SEMA3E: variants seen among roughly 807,000 people sequenced by gnomAD.
The protein encoded by SEMA3E is semaphorin 3E, also known as semaphorin-3E.
In SEMA3E, 49 loss-of-function variants were observed where a neutral mutation model predicts 93.6. That is an observed-to-expected ratio of 0.52 (90% CI 0.42 to 0.66). The LOEUF is 0.66. Ranked by LOEUF, SEMA3E falls within the 30% of genes least tolerant of loss-of-function variation. SEMA3E has a pLI of 0.00. For synonymous variants in SEMA3E, 363 were observed against 330.7 expected, an observed-to-expected ratio of 1.10 and a Z score of -1.06; for missense variants, 906 against 964.8, an observed-to-expected ratio of 0.94 and a Z score of 0.81.
At chr7:83,580,964 T>C (rs988655548) in intron 1 of SEMA3E, among the ~76,000 whole-genome samples, 1 of 151,958 alleles carries the variant, frequency 6.6e-6, no homozygotes, top group African/African-American at 2.4e-5. Context: ...TTATATTCCC[T>C]AGATGATGAA....
At chr7:83,425,657 C>T (rs1788755326) in intron 4 of SEMA3E, among the ~76,000 whole-genome samples, 1 of 152,088 alleles carries the variant, frequency 6.6e-6, no homozygotes, top group African/African-American at 2.4e-5. Flanking sequence ...CTCTAAAATG[C>T]TGCTTTTATA....
intron 1 of SEMA3E, among the ~76,000 whole-genome samples, chr7:83,585,875 T>C (rs1240425365): frequency 6.6e-6 from 1 of 152,164 alleles, no homozygotes; most frequent in Non-Finnish European, 1.5e-5. Context: ...CTATGCATCT[T>C]AGTGCCCTCA....
At chr7:83,520,297 CTA>C (rs1208786351) in intron 1 of SEMA3E, among the ~76,000 whole-genome samples, 2 of 152,114 alleles carry the variant, frequency 1.3e-5, no homozygotes, top group African/African-American at 4.8e-5. Flanking sequence ...ATGGGCTTCA[CTA>C]GACAGCTGCT....
intron 1 of SEMA3E, among the ~76,000 whole-genome samples, chr7:83,494,088 T>C (rs2115571729): frequency 6.6e-6 from 1 of 152,008 alleles, no homozygotes; most frequent in East Asian, 1.9e-4. Flanking sequence ...GGATCTGAGA[T>C]GACTTATACA....
chr7:83,594,980 T>G (rs1021533316), intron 1 of SEMA3E, among the ~76,000 whole-genome samples: 1 of 151,818 alleles, frequency 6.6e-6, no homozygotes, highest in African/African-American at 2.4e-5. Context: ...CTCCCTGTTT[T>G]TAAAGACAGA....
intron 11 of SEMA3E, among the ~76,000 whole-genome samples, chr7:83,398,117 T>C (rs1020677147): frequency 6.6e-6 from 1 of 152,170 alleles, no homozygotes; most frequent in Non-Finnish European, 1.5e-5. Context: ...ATGTTCTTTT[T>C]TCTGAAAATC....
chr7:83,635,342 A>G (rs1436954287), intron 1 of SEMA3E, among the ~76,000 whole-genome samples: 1 of 151,968 alleles, frequency 6.6e-6, no homozygotes, highest in Non-Finnish European at 1.5e-5. Context: ...TCAGGATTAT[A>G]GAAGTGATCC....
At chr7:83,519,119 C>T (rs1368874908) in intron 1 of SEMA3E, among the ~76,000 whole-genome samples, 4 of 151,852 alleles carry the variant, frequency 2.6e-5, no homozygotes, top group African/African-American at 9.7e-5. Flanking sequence ...TATCCCTCCC[C>T]GCTACCCCCA....
chr7:83,553,139 C>T (rs1791801137), intron 1 of SEMA3E, among the ~76,000 whole-genome samples: 1 of 152,180 alleles, frequency 6.6e-6, no homozygotes, highest in Admixed American at 6.5e-5. Flanking sequence ...TGATGTCACC[C>T]CTGGCGGCCC....
chr7:83,410,935 A>G (rs994641046), intron 5 of SEMA3E, among the ~76,000 whole-genome samples: 3 of 152,118 alleles, frequency 2.0e-5, no homozygotes, highest in African/African-American at 7.2e-5. Flanking sequence ...TCTTTAATGT[A>G]TAATGGGAAT....
intron 1 of SEMA3E, among the ~76,000 whole-genome samples, chr7:83,549,694 A>G (rs1346221957): frequency 6.6e-6 from 1 of 152,072 alleles, no homozygotes; most frequent in Non-Finnish European, 1.5e-5. Context: ...TGTAAAAATG[A>G]CTTTATCCAC....
At chr7:83,452,270 G>A (rs1789379686) in intron 4 of SEMA3E, among the ~76,000 whole-genome samples, 1 of 152,024 alleles carries the variant, frequency 6.6e-6, no homozygotes, top group Admixed American at 6.6e-5. Context: ...TGGCTTTGGA[G>A]CATTTCACTT....
chr7:83,619,341 T>C (rs989350029), intron 1 of SEMA3E, among the ~76,000 whole-genome samples: 1 of 151,842 alleles, frequency 6.6e-6, no homozygotes, highest in African/African-American at 2.4e-5. Flanking sequence ...ACTAACAATA[T>C]TTGGAACACA....
chr7:83,403,157 T>A (rs1788263647), intron 9 of SEMA3E, among the ~76,000 whole-genome samples: 1 of 152,054 alleles, frequency 6.6e-6, no homozygotes, highest in Non-Finnish European at 1.5e-5. Context: ...GTTGTTCTAT[T>A]TTCAAAGTAG....
At chr7:83,586,174 A>G (rs1792623030) in intron 1 of SEMA3E, among the ~76,000 whole-genome samples, 1 of 152,182 alleles carries the variant, frequency 6.6e-6, no homozygotes, top group African/African-American at 2.4e-5. Flanking sequence ...GAGAGAAGAA[A>G]TCCTTATGAC....
At chr7:83,583,424 C>G (rs1478217230) in intron 1 of SEMA3E, among the ~76,000 whole-genome samples, 1 of 152,088 alleles carries the variant, frequency 6.6e-6, no homozygotes, top group South Asian at 2.1e-4. Context: ...GGAGGAGAAG[C>G]AGTATCAAAA....
intron 4 of SEMA3E, among the ~76,000 whole-genome samples, chr7:83,445,056 T>C (rs932601967): frequency 6.6e-6 from 1 of 152,096 alleles, no homozygotes; most frequent in Admixed American, 6.5e-5. Context: ...CACTGTCAGA[T>C]GCAGCAAGGA....
chr7:83,473,092 C>G (rs1055387120), intron 2 of SEMA3E, among the ~76,000 whole-genome samples: 32 of 152,192 alleles, frequency 2.1e-4, no homozygotes, highest in Admixed American at 2.1e-3. Flanking sequence ...ACTAATACCA[C>G]AAGCTACCTA....
intron 4 of SEMA3E, among the ~76,000 whole-genome samples, chr7:83,449,877 T>G (rs1330612603): frequency 6.6e-6 from 1 of 152,188 alleles, no homozygotes; most frequent in Non-Finnish European, 1.5e-5. Context: ...TTTCACTGAT[T>G]ATTTTCTGTA....
Sources: gnomAD v4.1 joint callset for allele counts (sites outside exome capture counted in the v4.1 genomes callset) on GRCh38, gnomAD v4.1.1 for gene constraint, MANE v1.5 for transcripts, NCBI Gene and HGNC (gene_info 2026-07-23, HGNC 2026-07-21) for gene names.